The following EIF2A variants were observed in gnomAD, a reference collection of about 807,000 sequenced individuals.
The protein encoded by EIF2A is eukaryotic translation initiation factor 2A.
Under a neutral mutation model 75.2 loss-of-function variants are expected in EIF2A, and 62 were observed. The ratio of observed to expected loss-of-function variants is 0.82; its 90% CI spans 0.67 to 1.02. The LOEUF is 1.02. Among genes scored for constraint, EIF2A ranks in the 50% least tolerant of loss-of-function variants. The pLI, the probability that EIF2A is intolerant of heterozygous loss-of-function variation, is 0.00. For missense variants in EIF2A, 611 were observed against 677.7 expected (o/e 0.90, Z 1.09); for synonymous variants, 207 against 239.0 (o/e 0.87, Z 1.23).
chr3:150,580,734 G>A (rs1178326661), intron 11 of EIF2A, among the ~76,000 whole-genome samples: 1 of 152,094 alleles, frequency 6.6e-6, no homozygotes, highest in African/African-American at 2.4e-5. Context: ...TCTGCACTTT[G>A]GGACCATTAT....
At chr3:150,551,258 A>C (rs1432568332) in intron 1 of EIF2A, among the ~76,000 whole-genome samples, 3 of 152,128 alleles carry the variant, frequency 2.0e-5, no homozygotes, top group African/African-American at 7.2e-5. Flanking sequence ...TTATTTGATT[A>C]CTGTTTGCAA....
At chr3:150,571,478 A>G (rs1292338566) in intron 9 of EIF2A, among the ~76,000 whole-genome samples, 1 of 152,140 alleles carries the variant, frequency 6.6e-6, no homozygotes, top group Non-Finnish European at 1.5e-5. Context: ...CCAGTGGCTC[A>G]TGCCTATAAT....
intron 6 of EIF2A, among the ~76,000 whole-genome samples, chr3:150,565,520 A>G (rs965111688): frequency 2.6e-5 from 4 of 152,182 alleles, no homozygotes; most frequent in Non-Finnish European, 5.9e-5. Context: ...CAGTTTTAAT[A>G]TAATGTATTC....
At chr3:150,550,623 G>A (rs1023997670) in intron 1 of EIF2A, among the ~76,000 whole-genome samples, 2 of 152,214 alleles carry the variant, frequency 1.3e-5, no homozygotes, top group Non-Finnish European at 2.9e-5. Context: ...GAGGGAAGCA[G>A]ATTGGATTGC....
At chr3:150,565,665 TCTC>T (rs1381918214) in intron 6 of EIF2A, 2 of 155,762 alleles carry the variant, frequency 1.3e-5, no homozygotes, top group African/African-American at 2.4e-5. Flanking sequence ...CTCAAGCAAT[TCTC>T]CTGCCTCAGC....
chr3:150,569,931 T>C (rs1408123400), intron 9 of EIF2A, among the ~76,000 whole-genome samples: 2 of 152,226 alleles, frequency 1.3e-5, no homozygotes, highest in African/African-American at 2.4e-5. Flanking sequence ...ATCCATACTT[T>C]TGTAGACATT....
Position 150,572,518 on chromosome 3 carries a change from A to C in EIF2A, c.1372A>C (p.Asn458His), listed in dbSNP as rs1724595755. 1.3e-6 allele frequency: 2 copies of C among 1,599,820 alleles called. No individual in the cohort carries two copies. Among genetic ancestry groups the C allele is most frequent in the Admixed American group, 3.5e-5 (2 of 56,658 alleles). Residue 458 changes from asparagine to histidine, a missense_variant, in exon 10 of 14, where the codon AAT (asparagine) becomes CAT (histidine). Coordinates refer to ENST00000460851, the MANE Select transcript of EIF2A (RefSeq NM_032025.5). ...AGCTTTAAGAAATAAACCAATCACC[A>C]ATTCCAAATTGGTAAGTAAAGTTTT... ...PPALRNKPIT[N>H]SKLHEEEPPQ...
chr3:150,562,358 C>G (rs868368532), intron 3 of EIF2A, among the ~76,000 whole-genome samples, 184 bp from the exon 4 acceptor site: 17 of 151,458 alleles, frequency 1.1e-4, no homozygotes, highest in Middle Eastern at 6.8e-3. Flanking sequence ...GGAGGTGGAG[C>G]TTGCAGTGAG....
intron 3 of EIF2A, 21 bp downstream of exon 3, chr3:150,558,483 C>T: frequency 6.8e-7 from 1 of 1,466,016 alleles, no homozygotes; most frequent in Non-Finnish European, 9.0e-7. Context: ...ATTTACATAA[C>T]ATATTTTGTG....
chr3:150,557,258 G>T (rs1311705005), intron 2 of EIF2A, among the ~76,000 whole-genome samples: 5 of 152,262 alleles, frequency 3.3e-5, no homozygotes, highest in African/African-American at 1.2e-4. Flanking sequence ...GCCTCAGTAG[G>T]CTGAAATGAT....
At chr3:150,573,384 C>G (rs1724659433) in intron 10 of EIF2A, among the ~76,000 whole-genome samples, 1 of 152,138 alleles carries the variant, frequency 6.6e-6, no homozygotes, top group African/African-American at 2.4e-5. Flanking sequence ...TTTTGAGTAG[C>G]TGGGATTACA....
chr3:150,555,265 A>T (rs975542369), intron 2 of EIF2A, among the ~76,000 whole-genome samples: 79 of 149,476 alleles, frequency 5.3e-4, no homozygotes, highest in Non-Finnish European at 6.5e-4. Context: ...TTATTTATTT[A>T]TTTTTTTTGA....
chr3:150,551,161 A>T (rs1224146389), intron 1 of EIF2A, among the ~76,000 whole-genome samples: 2 of 152,342 alleles, frequency 1.3e-5, no homozygotes, highest in Non-Finnish European at 2.9e-5. Context: ...TTTTTAGGTT[A>T]AAACTCTCTT....
At chr3:150,555,617 G>A (rs1021240072) in intron 2 of EIF2A, among the ~76,000 whole-genome samples, 16 of 151,892 alleles carry the variant, frequency 1.1e-4, no homozygotes, top group Admixed American at 3.3e-4. Flanking sequence ...GGCTGGGCGC[G>A]GTGGCTCATG....
rs756760710 is a variant in EIF2A at position 150,575,738 on chromosome 3, T to G, written c.1473T>G (p.His491Gln). ...CAGCTCTTAAAAATCAAAGGAAGCA[T>G]GAAGCTAAGAAAGCTGCAAAGCAGG... Reference protein sequence around the residue: ...SKTALKNQRKHEAKKAAKQEA... With the variant: ...SKTALKNQRKQEAKKAAKQEA... Residue 491 changes from histidine to glutamine, a missense_variant, in exon 11 of 14, where the codon CAT becomes CAG. His to Gln is a conservative substitution (Grantham distance 24). Transcript: ENST00000460851. 52 of 1,612,052 alleles carry G rather than the reference T, an allele frequency of 3.2e-5. No homozygotes were observed. Among genetic ancestry groups the G allele is most frequent in the Non-Finnish European group, 4.2e-5 (50 of 1,179,206 alleles).
intron 7 of EIF2A, 30 bp from the exon 8 acceptor site, chr3:150,567,868 AAATT>A (rs1159346588): frequency 6.3e-7 from 1 of 1,579,830 alleles, no homozygotes; most frequent in Non-Finnish European, 8.6e-7. Context: ...ATTCTTCAAA[AAATT>A]AAGTAATGAT....
intron 9 of EIF2A, among the ~76,000 whole-genome samples, 171 bp from the exon 10 acceptor site, chr3:150,571,787 A>C (rs2076722085): frequency 6.6e-6 from 1 of 152,208 alleles, no homozygotes; most frequent in African/African-American, 2.4e-5. Context: ...TAAATTTATG[A>C]TTATACATTA....
At chr3:150,546,949 G>T (rs1267648210) in intron 1 of EIF2A, 119 bp downstream of exon 1, 1 of 1,413,666 alleles carries the variant, frequency 7.1e-7, no homozygotes. Flanking sequence ...TGTGGCTTGC[G>T]GAAAGGCCAG....
rs547106775 is a variant in EIF2A, at chr3:150,584,060, T to C, written c.*149T>C. On this transcript the variant is annotated 3_prime_UTR_variant, in exon 14 of 14. Coordinates refer to ENST00000460851, the MANE Select transcript of EIF2A (RefSeq NM_032025.5). ...ATCCAAGATTCTACTAAGTGTAAAA[T>C]TATTTAATAATGTCTATTAAATTGA... 1.2e-5 allele frequency: 8 copies of C among 669,668 alleles called. 1 individual carries two copies. The highest frequency in any genetic ancestry group is 1.0e-4 in the South Asian group (4 of 38,658). 41.5% of individuals were successfully genotyped at this position (669,668 alleles called of 1,614,324 possible).
Sources: allele counts gnomAD v4.1 joint callset (sites outside exome capture counted in the v4.1 genomes callset), GRCh38; gene constraint gnomAD v4.1.1; transcripts MANE v1.5; gene names NCBI Gene and HGNC (gene_info 2026-07-23, HGNC 2026-07-21).